The following PRKG1 variants were observed in gnomAD, a reference collection of about 807,000 sequenced individuals.
PRKG1 encodes protein kinase cGMP-dependent 1, also known as cGMP-dependent protein kinase 1.
In PRKG1, 35 loss-of-function variants were observed where a neutral mutation model predicts 88.1. The observed-to-expected ratio is 0.40, with a 90% confidence interval of 0.30 to 0.53. The LOEUF is 0.53. Ranked by LOEUF, PRKG1 falls within the 20% of genes least tolerant of loss-of-function variation. The pLI is 0.59. For missense variants in PRKG1, 540 were observed against 839.8 expected, an observed-to-expected ratio of 0.64 and a Z score of 4.41; for synonymous variants, 303 against 292.5, an observed-to-expected ratio of 1.04 and a Z score of -0.37.
At chr10:51,924,397 C>CTGA (rs1314811327) in intron 5 of PRKG1, among the ~76,000 whole-genome samples, 2 of 152,192 alleles carry the variant, frequency 1.3e-5, no homozygotes, top group Non-Finnish European at 2.9e-5. Flanking sequence ...GTAGAGAAGA[C>CTGA]TGATATAATT....
intron 1 of PRKG1, among the ~76,000 whole-genome samples, chr10:51,121,509 A>G (rs1295806030): frequency 6.6e-6 from 1 of 152,230 alleles, no homozygotes; most frequent in Non-Finnish European, 1.5e-5. Flanking sequence ...AATAATAGAT[A>G]ACATTCATGA....
chr10:51,402,239 C>T (rs1053047269), intron 2 of PRKG1, among the ~76,000 whole-genome samples: 12 of 152,092 alleles, frequency 7.9e-5, no homozygotes, highest in African/African-American at 2.9e-4. Flanking sequence ...ACTTATTATG[C>T]TATAAGTCAT....
At chr10:52,275,058 T>G (rs1841838417) in intron 12 of PRKG1, among the ~76,000 whole-genome samples, 2 of 152,162 alleles carry the variant, frequency 1.3e-5, no homozygotes, top group Middle Eastern at 3.2e-3. Context: ...TTTGTTCGAG[T>G]TTGCTGGAGA....
chr10:52,110,280 G>A lies in PRKG1; in HGVS notation c.936-23560G>A, dbSNP rs139025944. Among the ~76,000 whole-genome samples, 12 of 150,888 alleles carry A rather than the reference G, an allele frequency of 8.0e-5. No individual in the cohort carries two copies. The East Asian group carries it at 1.4e-3, about 17-fold the overall frequency. On this transcript the variant is annotated intron_variant, in intron 7 of 17. Transcript: ENST00000373980. ...GGAGAATGGCGTGCTTGCAGTGAGC[G>A]GAGATCGCGCCACTGCACTCCAGCC... is the stretch of plus-strand genomic sequence containing the variant.
chr10:51,103,506 C>T (rs1657970386), intron 1 of PRKG1, among the ~76,000 whole-genome samples: 1 of 152,180 alleles, frequency 6.6e-6, no homozygotes, highest in Non-Finnish European at 1.5e-5. Context: ...AAAATTGTCA[C>T]TGATTGTGAT....
chr10:51,367,342 G>C (rs927477671), intron 2 of PRKG1, among the ~76,000 whole-genome samples: 6 of 151,944 alleles, frequency 3.9e-5, no homozygotes, highest in Admixed American at 1.3e-4. Flanking sequence ...AACTGAAAGA[G>C]AGCTTACTAG....
At chr10:51,127,360 C>A (rs995059976) in intron 1 of PRKG1, among the ~76,000 whole-genome samples, 5 of 152,136 alleles carry the variant, frequency 3.3e-5, no homozygotes, top group Non-Finnish European at 5.9e-5. Context: ...ATGAAAAAAG[C>A]TCAACATCAC....
chr10:52,011,934 C>G (rs1433179746), intron 5 of PRKG1, among the ~76,000 whole-genome samples: 1 of 152,184 alleles, frequency 6.6e-6, no homozygotes, highest in Non-Finnish European at 1.5e-5. Context: ...TTGCCTGCTG[C>G]CATCCATGTA....
At chr10:51,782,418 A>G (rs1003343436) in intron 3 of PRKG1, among the ~76,000 whole-genome samples, 23 of 152,168 alleles carry the variant, frequency 1.5e-4, no homozygotes, top group Non-Finnish European at 2.6e-4. Flanking sequence ...TACCTGTGCC[A>G]AGCACTGTAT....
intron 2 of PRKG1, among the ~76,000 whole-genome samples, chr10:51,350,667 T>C (rs1012292091): frequency 2.6e-5 from 4 of 152,178 alleles, no homozygotes; most frequent in African/African-American, 9.7e-5. Flanking sequence ...TGATCTTATA[T>C]TTGGAAAAAC....
At chr10:51,953,654 T>C (rs1420416721) in intron 5 of PRKG1, among the ~76,000 whole-genome samples, 1 of 152,140 alleles carries the variant, frequency 6.6e-6, no homozygotes, top group Non-Finnish European at 1.5e-5. Flanking sequence ...AAGTGCTTAA[T>C]AATGTTTGAT....
chr10:51,159,050 TTG>T (rs1250243781), intron 2 of PRKG1, among the ~76,000 whole-genome samples: 1 of 152,100 alleles, frequency 6.6e-6, no homozygotes, highest in Non-Finnish European at 1.5e-5. Flanking sequence ...TCAACACTAT[TTG>T]TTATTCAGGG....
At chr10:52,013,948 C>T (rs1844967123) in intron 5 of PRKG1, among the ~76,000 whole-genome samples, 1 of 152,138 alleles carries the variant, frequency 6.6e-6, no homozygotes, top group South Asian at 2.1e-4. Context: ...CCTGGACTCA[C>T]TGCCCTTATA....
At chr10:51,778,618 G>A (rs774379380) in intron 3 of PRKG1, among the ~76,000 whole-genome samples, 2 of 152,180 alleles carry the variant, frequency 1.3e-5, no homozygotes, top group Admixed American at 1.3e-4. Flanking sequence ...AAAATGTGTG[G>A]TGAGTGATAT....
intron 7 of PRKG1, among the ~76,000 whole-genome samples, chr10:52,087,872 A>G (rs1052915046): frequency 6.6e-6 from 1 of 152,196 alleles, no homozygotes; most frequent in Non-Finnish European, 1.5e-5. Flanking sequence ...TTTTTCCTCA[A>G]TAGTAAGGAG....
At chr10:51,399,416 A>G (rs1217111040) in intron 2 of PRKG1, among the ~76,000 whole-genome samples, 1 of 152,172 alleles carries the variant, frequency 6.6e-6, no homozygotes, top group African/African-American at 2.4e-5. Context: ...GTGACATACA[A>G]CAGTAGAGAA....
At chr10:51,027,366 C>T (rs1843220978) in intron 1 of PRKG1, among the ~76,000 whole-genome samples, 1 of 152,096 alleles carries the variant, frequency 6.6e-6, no homozygotes, top group Non-Finnish European at 1.5e-5. Context: ...GATTAGCATC[C>T]CATAGGTTTT....
chr10:52,252,051 G>A (rs1841184609), intron 10 of PRKG1: 1 of 155,756 alleles, frequency 6.4e-6, no homozygotes. Context: ...TAATTTAAAT[G>A]TAAATATAAA....
intron 3 of PRKG1, among the ~76,000 whole-genome samples, chr10:51,724,397 A>C (rs1178099405): frequency 6.6e-6 from 1 of 152,202 alleles, no homozygotes; most frequent in Non-Finnish European, 1.5e-5. Flanking sequence ...CACTAAATTT[A>C]TCATAGACAA....
Sources: allele counts gnomAD v4.1 joint callset (sites outside exome capture counted in the v4.1 genomes callset), GRCh38; gene constraint gnomAD v4.1.1; transcripts MANE v1.5; gene names NCBI Gene and HGNC (gene_info 2026-07-23, HGNC 2026-07-21).